The following ACTR1B variants were observed in gnomAD, a reference collection of about 807,000 sequenced individuals.
ACTR1B encodes beta-centractin.
ACTR1B carries 34 observed loss-of-function variants against 49.4 expected under a neutral mutation model. The ratio of observed to expected loss-of-function variants is 0.69; its 90% CI spans 0.52 to 0.92. ACTR1B has a LOEUF of 0.92. ACTR1B is among the 40% of genes least tolerant of loss of function. The pLI is 0.00. For missense variants in ACTR1B, 471 were observed against 522.4 expected (o/e 0.90, Z 0.96); for synonymous variants, 207 against 207.8 (o/e 1.00, Z 0.03).
rs377328874 is a variant in ACTR1B at position 97,657,425 on chromosome 2, A to G, written c.987+23T>C. 1.9e-6 allele frequency: 3 copies of G among 1,613,642 alleles called. No homozygotes were observed. The African/African-American group carries it at 4.0e-5, about 22-fold the overall frequency. ...AAGGCTGCCAGCGCCCTAGTGCCCC[A>G]GGGGGAGTTTCTGTAACCTCACCTT... On this transcript the variant is annotated intron_variant, in intron 9 of 10. Coordinates refer to ENST00000289228, the MANE Select transcript of ACTR1B (RefSeq NM_005735.4).
chr2:97,660,340 T>A (rs1022450269), intron 3 of ACTR1B, among the ~76,000 whole-genome samples: 4 of 152,254 alleles, frequency 2.6e-5, no homozygotes, highest in Admixed American at 6.5e-5. Context: ...CAGTTCTTGG[T>A]TCTGTAGCTT....
Position 97,659,281 on chromosome 2 carries a change from C to T in ACTR1B, c.315+71G>A, listed in dbSNP as rs76759921. 3.2e-4 allele frequency: 507 copies of T among 1,601,298 alleles called. No homozygotes were observed. The highest frequency in any genetic ancestry group is 4.2e-4 in the Non-Finnish European group (489 of 1,173,882). The stretch of plus-strand genomic sequence containing the variant: ...GTAGAAGGGAAATGTGGGAGCCCGG[C>T]GAGGAGGGACGCAGAGGAGAGGGGC... On this transcript the variant is annotated intron_variant, in intron 4 of 10. Coordinates refer to ENST00000289228, the MANE Select transcript of ACTR1B (RefSeq NM_005735.4). This position sits in a 1 kb window ranked among gnomAD's most constrained non-coding sequence, Gnocchi z 4.0.
At position 97,655,956 on chromosome 2, in the gene ACTR1B, C is replaced by G. The variant is rs1368481905; in HGVS notation, c.*902G>C. ...CACAGAGAGCCACAAGAAAACAGAG[C>G]CACACACTGGGCCTTGTCCATAATT... On this transcript the variant is annotated 3_prime_UTR_variant, in exon 11 of 11. Transcript: ENST00000289228. 4 of 152,260 alleles carry G rather than the reference C, an allele frequency of 2.6e-5. No homozygotes were observed. Among genetic ancestry groups the G allele is most frequent in the African/African-American group, 7.2e-5 (3 of 41,450 alleles). The allele number at this position is 152,260 out of a possible 1,614,324, so 9.4% of individuals were successfully genotyped here.
In ACTR1B at chr2:97,661,888, G is replaced by T. The variant is rs770211781; in HGVS notation, c.107C>A (p.Pro36Gln). 6.3e-7 allele frequency: 1 copy of T among 1,592,672 alleles called. No individual in the cohort carries two copies. ...CTGCCTGAGCCACACTTACTAGTTT[G>T]GGAAACAGTATTTGGGAATCTGGTC... ...AGDQIPKYCF[P>Q]NYVGRPKHMR... is the part of the protein sequence containing the mutation. The change falls in exon 2 of 11, where the codon CCA becomes CAA. Residue 36 changes from proline (P) to glutamine (Q), a missense_variant. Transcript: ENST00000289228.
rs559259698 is a variant in ACTR1B, at chr2:97,659,014, C to T, written c.316-11G>A. ...GAGGAGCACAGGATGCTGCGAGGGA[C>T]GGGACAGTTGTAGGCATCAGAGGAG... On this transcript the variant is annotated splice_polypyrimidine_tract_variant and intron_variant, in intron 4 of 10. Coordinates refer to ENST00000289228, the MANE Select transcript of ACTR1B (RefSeq NM_005735.4). This position sits in a 1 kb window ranked among gnomAD's most constrained non-coding sequence, Gnocchi z 4.0. 3.7e-5 allele frequency: 59 copies of T among 1,613,972 alleles called. No individual in the cohort carries two copies. The South Asian group carries it at 4.0e-4, about 11-fold the overall frequency.
rs572322477 is a variant in ACTR1B, at chr2:97,657,971, C to A, written c.897G>T (p.Val299=). 1.9e-6 allele frequency: 3 copies of A among 1,614,184 alleles called. No homozygotes were observed. Among genetic ancestry groups the A allele is most frequent in the South Asian group, 2.2e-5 (2 of 91,082 alleles). ...TGAAAAGCGTTGAGCCACCTGAGAG[C>A]ACGATGTTGGCGAACAGCGTCCGGC... is the stretch of plus-strand genomic sequence containing the variant. ...DLRRTLFANI[V]LSGGSTLFKG... The change falls in exon 8 of 11, where the codon GTG becomes GTT. Residue 299 remains valine, a synonymous_variant. Coordinates refer to ENST00000289228, the MANE Select transcript of ACTR1B (RefSeq NM_005735.4).
intron 9 of ACTR1B, 100 bp downstream of exon 9, chr2:97,657,348 C>T (rs1674871913): frequency 6.0e-6 from 9 of 1,495,048 alleles, no homozygotes; most frequent in Admixed American, 1.7e-5. Context: ...ACTAGGTGGA[C>T]GTGAGCTGGT....
At chr2:97,660,754 A>C in intron 2 of ACTR1B, 108 bp from the exon 3 acceptor site, 2 of 1,090,090 alleles carry the variant, frequency 1.8e-6, no homozygotes, top group Non-Finnish European at 2.8e-6. Flanking sequence ...TGGCCTCCAA[A>C]CACCAGGATG....
chr2:97,657,081 G>C, intron 10 of ACTR1B, 71 bp downstream of exon 10: 1 of 1,595,034 alleles, frequency 6.3e-7, no homozygotes, highest in Non-Finnish European at 8.6e-7. Context: ...ACGTGGCCTA[G>C]GCCAACAATG....
At chr2:97,662,467 C>CG (rs1675044730) in intron 1 of ACTR1B, among the ~76,000 whole-genome samples, 1 of 150,792 alleles carries the variant, frequency 6.6e-6, no homozygotes, top group African/African-American at 2.4e-5. Flanking sequence ...GGAACATGGA[C>CG]GACCTACAGG....
chr2:97,663,235 G>T (rs1267708172), intron 1 of ACTR1B, among the ~76,000 whole-genome samples: 2 of 152,220 alleles, frequency 1.3e-5, no homozygotes, highest in African/African-American at 4.8e-5. Context: ...CAAATTGCTT[G>T]CTGATACTGG....
chr2:97,656,171 G>A lies in ACTR1B; in HGVS notation c.*687C>T, dbSNP rs3475. 17,889 of 152,262 alleles carry A rather than the reference G, an allele frequency of 0.12. 1,564 individuals are homozygous for A. Among genetic ancestry groups the A allele is most frequent in the African/African-American group, 0.24 (9,812 of 41,468 alleles). 9.4% of individuals were successfully genotyped at this position (152,262 alleles called of 1,614,324 possible). On this transcript the variant is annotated 3_prime_UTR_variant, in exon 11 of 11. Coordinates refer to ENST00000289228, the MANE Select transcript of ACTR1B (RefSeq NM_005735.4). ...AAGTGGCTTCCCCTCAATAAATGAT[G>A]AGCATCAACCCTTTCCCACCCAGGG...
At position 97,657,439 on chromosome 2, in the gene ACTR1B, T is replaced by C; in HGVS notation, c.987+9A>G. ...CCTAGTGCCCCAGGGGGAGTTTCTGTAACCTCACCTTGATTTTGATATCCT... is the reference window on the plus strand; with the variant it reads ...CCTAGTGCCCCAGGGGGAGTTTCTGCAACCTCACCTTGATTTTGATATCCT... On this transcript the variant is annotated intron_variant, in intron 9 of 10. Coordinates refer to ENST00000289228, the MANE Select transcript of ACTR1B (RefSeq NM_005735.4). The C allele has an allele frequency of 6.2e-7, 1 of 1,614,212 alleles. No homozygotes were observed. The highest frequency in any genetic ancestry group is 1.3e-5 in the African/African-American group (1 of 75,062).
Position 97,659,452 on chromosome 2 carries a change from C to T in ACTR1B, c.215G>A (p.Arg72His), listed in dbSNP as rs746639149. The change falls in exon 4 of 11, where the codon CGC becomes CAC. Residue 72 changes from arginine (R) to histidine (H), a missense_variant. Arg to His is a conservative substitution (Grantham distance 29). Coordinates refer to ENST00000289228, the MANE Select transcript of ACTR1B (RefSeq NM_005735.4). This position sits in a 1 kb window ranked among gnomAD's most constrained non-coding sequence, Gnocchi z 4.0. Reference protein sequence around the residue: ...AEEHRGLLTIRYPMEHGVVRD... With the variant: ...AEEHRGLLTIHYPMEHGVVRD... ...CACCACGCCGTGCTCCATGGGGTAG[C>T]GGATGGTCAGCAGCCCCCGGTGCTC... The T allele has an allele frequency of 2.9e-5, 46 of 1,613,718 alleles. No individual in the cohort carries two copies. Among genetic ancestry groups the T allele is most frequent in the Non-Finnish European group, 3.7e-5 (44 of 1,179,958 alleles).
At chr2:97,663,483 G>C (rs543621653) in intron 1 of ACTR1B, among the ~76,000 whole-genome samples, 1 of 152,322 alleles carries the variant, frequency 6.6e-6, no homozygotes, top group African/African-American at 2.4e-5. Context: ...AGGGCCGAAG[G>C]ACGCGGAAAG....
chr2:97,663,835 G>T lies in ACTR1B; in HGVS notation c.48+8C>A. The T allele has an allele frequency of 2.1e-6, 3 of 1,412,200 alleles. No individual in the cohort carries two copies. The highest frequency in any genetic ancestry group is 2.8e-6 in the Non-Finnish European group (3 of 1,068,402). 87.5% of individuals were successfully genotyped at this position (1,412,200 alleles called of 1,614,324 possible). A position where few individuals can be genotyped will look rare whatever the true frequency, so the allele number is the denominator to read the frequency against. Reference sequence around the variant, plus strand: ...GCGCCCGCCCTCCCCCTGGCTGCCGGGCCTCACGTTGTCGATGACCACAGG... The same window carrying T: ...GCGCCCGCCCTCCCCCTGGCTGCCGTGCCTCACGTTGTCGATGACCACAGG... On this transcript the variant is annotated splice_region_variant and intron_variant, in intron 1 of 10. Coordinates refer to ENST00000289228, the MANE Select transcript of ACTR1B (RefSeq NM_005735.4).
Position 97,659,374 on chromosome 2 carries a change from T to C in ACTR1B, c.293A>G (p.Gln98Arg). ...CACCTCCTCCGAGAAGGTCTGCAGC[T>C]GATCCTTGGAGTAGACGTACTGCCA... ...RIWQYVYSKD[Q>R]LQTFSEEHPV... Residue 98 changes from glutamine to arginine, a missense_variant, in exon 4 of 11, where the codon CAG (glutamine) becomes CGG (arginine). By Grantham distance (43) the Gln-to-Arg change is conservative (BLOSUM62 1). Coordinates refer to ENST00000289228, the MANE Select transcript of ACTR1B (RefSeq NM_005735.4). The surrounding 1 kb of genome is among the most constrained non-coding windows in gnomAD (Gnocchi z 4.0). The C allele has an allele frequency of 1.2e-6, 2 of 1,614,072 alleles. No homozygotes were observed. The highest frequency in any genetic ancestry group is 1.7e-6 in the Non-Finnish European group (2 of 1,180,002).
intron 1 of ACTR1B, among the ~76,000 whole-genome samples, chr2:97,662,749 G>A (rs1675054252): frequency 3.3e-5 from 5 of 152,188 alleles, no homozygotes; most frequent in Admixed American, 3.3e-4. Flanking sequence ...AATCCCCAAG[G>A]GGCCGAGCGG....
Position 97,659,729 on chromosome 2 carries a change from C to T in ACTR1B, c.190-252G>A. 5.4e-6 allele frequency: 3 copies of T among 556,410 alleles called. No homozygotes were observed. The highest frequency in any genetic ancestry group is 2.2e-5 in the South Asian group (1 of 45,426). 34.5% of individuals were successfully genotyped at this position (556,410 alleles called of 1,614,324 possible). ...GGGGATCAGAGAGGGTGGCAGTGTG[C>T]CCCGCAATCTGCAGGCTCTCTTCTT... On this transcript the variant is annotated intron_variant, in intron 3 of 10. Coordinates refer to ENST00000289228, the MANE Select transcript of ACTR1B (RefSeq NM_005735.4). This position sits in a 1 kb window ranked among gnomAD's most constrained non-coding sequence, Gnocchi z 4.0.
Sources: gnomAD v4.1 joint callset for allele counts (sites outside exome capture counted in the v4.1 genomes callset) on GRCh38, gnomAD v4.1.1 for gene constraint, Gnocchi (gnomAD v3.1) non-coding constraint, MANE v1.5 for transcripts, NCBI Gene and HGNC (gene_info 2026-07-23, HGNC 2026-07-21) for gene names.